MICU1: variants seen among roughly 807,000 people sequenced by gnomAD.
The protein encoded by MICU1 is calcium uptake protein 1, mitochondrial.
In MICU1, 45 loss-of-function variants were observed where a neutral mutation model predicts 56.8. The observed-to-expected ratio is 0.79, with a 90% CI of 0.62 to 1.02. The LOEUF (loss-of-function observed/expected upper bound fraction) is 1.02, where lower values mean the gene tolerates loss of function less well. Ranked by LOEUF, MICU1 falls within the 50% of genes least tolerant of loss-of-function variation. The pLI is 0.00. For missense variants in MICU1, 504 were observed against 587.1 expected, an observed-to-expected ratio of 0.86 and a Z score of 1.46; for synonymous variants, 186 against 195.1, an observed-to-expected ratio of 0.95 and a Z score of 0.39.
intron 1 of MICU1, among the ~76,000 whole-genome samples, chr10:72,609,790 C>T (rs192071576): frequency 6.7e-6 from 1 of 149,642 alleles, no homozygotes; most frequent in Non-Finnish European, 1.5e-5. Context: ...AATTCCAGCA[C>T]TTTGGGAGGC....
intron 10 of MICU1, among the ~76,000 whole-genome samples, chr10:72,386,060 G>GC (rs1253699241): frequency 1.3e-5 from 2 of 152,136 alleles, no homozygotes; most frequent in African/African-American, 2.4e-5. Context: ...GAAAATGAAG[G>GC]CCCCCCAACA....
In MICU1 at chr10:72,446,939, C is replaced by T. The variant is rs114541095; in HGVS notation, c.934-23568G>A. ...TAAAGAGAAATAAACTTTCTGTCTT[C>T]TACAAAGACAACAAAAAATAAGATT... On this transcript the variant is annotated intron_variant, in intron 8 of 11. Transcript: ENST00000361114. Among the ~76,000 whole-genome samples the T allele has an allele frequency of 7.0e-3, 1,059 of 152,124 alleles. 12 individuals are homozygous for T. The highest frequency in any genetic ancestry group is 0.024 in the African/African-American group (995 of 41,506).
At chr10:72,566,567 C>A in intron 2 of MICU1, 66 bp downstream of exon 2, 1 of 1,492,650 alleles carries the variant, frequency 6.7e-7, no homozygotes, top group Non-Finnish European at 9.0e-7. Context: ...CAACTCCTTT[C>A]TGACAACAGA....
chr10:72,608,651 T>A (rs1238096017), intron 1 of MICU1, among the ~76,000 whole-genome samples: 1 of 152,236 alleles, frequency 6.6e-6, no homozygotes, highest in East Asian at 1.9e-4. Context: ...TTGGTGGGAA[T>A]GTAAAATAAT....
chr10:72,512,688 G>GTTTTGTTTTC (rs1275939642), intron 5 of MICU1, among the ~76,000 whole-genome samples: 1 of 147,752 alleles, frequency 6.8e-6, no homozygotes, highest in Non-Finnish European at 1.5e-5. Context: ...TTTGGTTTTT[G>GTTTTGTTTTC]TTTTGTTTTG....
chr10:72,564,544 G>GAAAAAAAAA (rs11465166), intron 2 of MICU1, among the ~76,000 whole-genome samples: 2 of 107,406 alleles, frequency 1.9e-5, no homozygotes, highest in Admixed American at 1.1e-4. Flanking sequence ...ATCTCAAAAA[G>GAAAAAAAAA]AAAAAAAAAA....
chr10:72,568,755 T>C (rs1031695840), intron 1 of MICU1, among the ~76,000 whole-genome samples: 1 of 140,082 alleles, frequency 7.1e-6, no homozygotes, highest in Non-Finnish European at 1.5e-5. Flanking sequence ...TTCTTTTTTT[T>C]TTTTTTTTTT....
intron 8 of MICU1, among the ~76,000 whole-genome samples, chr10:72,474,824 A>AC (rs1866062260): frequency 6.6e-6 from 1 of 152,162 alleles, no homozygotes; most frequent in Non-Finnish European, 1.5e-5. Context: ...AACTGCTGTG[A>AC]CCCCTGAGTT....
At chr10:72,456,906 G>GT (rs1865483453) in intron 8 of MICU1, among the ~76,000 whole-genome samples, 2 of 113,002 alleles carry the variant, frequency 1.8e-5, no homozygotes, top group East Asian at 3.2e-4. Flanking sequence ...TGTGTGTTTT[G>GT]TTTGTTTTTG....
At chr10:72,405,969 T>C (rs1233625816) in intron 10 of MICU1, among the ~76,000 whole-genome samples, 1 of 152,042 alleles carries the variant, frequency 6.6e-6, no homozygotes, top group African/African-American at 2.4e-5. Flanking sequence ...CTATTCAATA[T>C]TGTATTGGTG....
intron 6 of MICU1, among the ~76,000 whole-genome samples, chr10:72,491,517 A>G (rs1866654369): frequency 6.6e-6 from 1 of 152,206 alleles, no homozygotes; most frequent in South Asian, 2.1e-4. Context: ...CAGAAAGACT[A>G]ACATTAATTA....
At chr10:72,489,290 TCA>T (rs67070756) in intron 6 of MICU1, among the ~76,000 whole-genome samples, 61,998 of 141,340 alleles carry the variant, frequency 0.44, 16,084 homozygotes, top group Non-Finnish European at 0.62. Flanking sequence ...CGAGACTCTG[TCA>T]CACACACACA....
chr10:72,618,956 G>C (rs1844973098), intron 1 of MICU1, among the ~76,000 whole-genome samples: 1 of 152,178 alleles, frequency 6.6e-6, no homozygotes, highest in Non-Finnish European at 1.5e-5. Context: ...TTGAAGAACA[G>C]AATGTATTTT....
chr10:72,610,840 C>T (rs1841824973), intron 1 of MICU1, among the ~76,000 whole-genome samples: 1 of 152,034 alleles, frequency 6.6e-6, no homozygotes. Flanking sequence ...TACAGAGGGG[C>T]AAATGGACAC....
chr10:72,407,859 G>T, intron 10 of MICU1, 70 bp downstream of exon 10: 1 of 959,516 alleles, frequency 1.0e-6, no homozygotes, highest in East Asian at 2.4e-5. Flanking sequence ...TGTTCAGGAG[G>T]GGCAGTCACC....
At chr10:72,487,730 C>T (rs1866520159) in intron 6 of MICU1, among the ~76,000 whole-genome samples, 1 of 152,206 alleles carries the variant, frequency 6.6e-6, no homozygotes, top group Admixed American at 6.5e-5. Flanking sequence ...CAGATTTCTT[C>T]TCTACCACAA....
intron 5 of MICU1, chr10:72,532,810 A>C: frequency 2.1e-6 from 2 of 968,114 alleles, no homozygotes; most frequent in African/African-American, 1.8e-5. Context: ...CTTAGCTGAG[A>C]TCTCTCCCAA....
At chr10:72,451,824 T>A (rs1865308763) in intron 8 of MICU1, among the ~76,000 whole-genome samples, 1 of 152,076 alleles carries the variant, frequency 6.6e-6, no homozygotes, top group South Asian at 2.1e-4. Context: ...ACTACAGACA[T>A]GAGCCACTGT....
At position 72,526,523 on chromosome 10, in the gene MICU1, T is replaced by G. The variant is rs539627370; in HGVS notation, c.537+7223A>C. 4.1e-4 allele frequency among the ~76,000 whole-genome samples: 63 copies of G among 152,266 alleles called. No individual in the cohort carries two copies. The South Asian group carries it at 0.012, about 30-fold the overall frequency. On this transcript the variant is annotated intron_variant, in intron 5 of 11. Transcript: ENST00000361114. ...GTTGGTCAGGCTGGTCTCGAACTCC[T>G]GACCTCAAGTGATCTGCCTGCCTCG...
Sources: gnomAD v4.1 joint callset for allele counts (sites outside exome capture counted in the v4.1 genomes callset) on GRCh38, gnomAD v4.1.1 for gene constraint, MANE v1.5 for transcripts, NCBI Gene and HGNC (gene_info 2026-07-23, HGNC 2026-07-21) for gene names.